The following FRYL variants were observed in gnomAD, a reference collection of about 807,000 sequenced individuals.
The protein encoded by FRYL is protein furry homolog-like.
FRYL carries 150 observed loss-of-function variants against 351.2 expected under a neutral mutation model. The ratio of observed to expected loss-of-function variants is 0.43; its 90% CI spans 0.37 to 0.49. The LOEUF (loss-of-function observed/expected upper bound fraction) is 0.49, where lower values mean the gene tolerates loss of function less well. Among genes scored for constraint, FRYL ranks in the 20% least tolerant of loss-of-function variants. The probability of loss-of-function intolerance (pLI) is 0.00; values close to 1 mark genes in which losing one functional copy is unlikely to be tolerated. For missense variants in FRYL, 3,036 were observed against 3,619.3 expected (o/e 0.84, Z 4.13); for synonymous variants, 1,153 against 1,257.1 (o/e 0.92, Z 1.75).
At chr4:48,630,649 A>G (rs1386038614) in intron 4 of FRYL, among the ~76,000 whole-genome samples, 3 of 152,166 alleles carry the variant, frequency 2.0e-5, no homozygotes, top group Non-Finnish European at 4.4e-5. Context: ...CCCTTCTTGA[A>G]TCTTCCTTCT....
At position 48,613,692 on chromosome 4, in the gene FRYL, A is replaced by G. The variant is rs971060079; in HGVS notation, c.412-3869T>C. Among the ~76,000 whole-genome samples, 5 of 152,314 alleles carry G rather than the reference A, an allele frequency of 3.3e-5. No homozygotes were observed. The South Asian group carries it at 8.3e-4, about 25-fold the overall frequency. On this transcript the variant is annotated intron_variant, in intron 7 of 63. Coordinates refer to ENST00000358350, the MANE Select transcript of FRYL (RefSeq NM_015030.2). ...CATTTGAGGCTGGGCACAGTGGCTC[A>G]CGCCTGTAATCCCAGCACTCTGGGA...
At chr4:48,564,873 T>A in intron 30 of FRYL, 60 bp downstream of exon 30, 2 of 888,200 alleles carry the variant, frequency 2.3e-6, no homozygotes, top group Non-Finnish European at 3.6e-6. Context: ...CAACATACAT[T>A]AACTGCAAAT....
intron 35 of FRYL, among the ~76,000 whole-genome samples, chr4:48,556,618 A>C (rs1734178194): frequency 6.6e-6 from 1 of 152,196 alleles, no homozygotes. Flanking sequence ...CCTTCCAGAC[A>C]GCTGTGGTTC....
chr4:48,701,635 A>T (rs555517968), intron 2 of FRYL, among the ~76,000 whole-genome samples: 1 of 152,362 alleles, frequency 6.6e-6, no homozygotes, highest in South Asian at 2.1e-4. Context: ...ATCTATTAAC[A>T]AAATCAAGTA....
At position 48,498,088 on chromosome 4, in the gene FRYL, TTTC is replaced by T. The variant is rs932120617; in HGVS notation, c.*1331_*1333del. On this transcript the variant is annotated 3_prime_UTR_variant, in exon 64 of 64. Coordinates refer to ENST00000358350, the MANE Select transcript of FRYL (RefSeq NM_015030.2). ...ACTACATTCTTTTTTTTTTTTTTTC[TTTC>T]TTTTCTTACAAAATGCGATTTTAGA... The T allele has an allele frequency of 6.6e-6, 1 of 150,928 alleles. No homozygotes were observed. The highest frequency in any genetic ancestry group is 2.4e-5 in the African/African-American group (1 of 41,046). The allele number at this position is 150,928 out of a possible 1,614,324, so 9.3% of individuals were successfully genotyped here. A position where few individuals can be genotyped will look rare whatever the true frequency, so the allele number is the denominator to read the frequency against.
At chr4:48,638,174 C>A (rs987721388) in intron 3 of FRYL, 1 of 152,022 alleles carries the variant, frequency 6.6e-6, no homozygotes, top group Non-Finnish European at 1.5e-5. Context: ...TACTACCTCA[C>A]AGCCACAAAC....
rs763091730 is a variant in FRYL, at chr4:48,547,690, A to G, written c.4968T>C (p.Asn1656=). ...CAGAAGCAACAGTTCGGATGTTACT[A>G]TTGGGTCCCATTACTATTAATAAGT... The part of the protein sequence containing the change: ...LLHLLIVMGP[N]SNIRTVASVL... The change falls in exon 41 of 64, where the codon AAT becomes AAC. Residue 1656 remains asparagine, a synonymous_variant. Coordinates refer to ENST00000358350, the MANE Select transcript of FRYL (RefSeq NM_015030.2). 6 of 1,605,078 alleles carry G rather than the reference A, an allele frequency of 3.7e-6. No homozygotes were observed. The African/African-American group carries it at 4.0e-5, about 11-fold the overall frequency.
chr4:48,523,350 G>A (rs1725302231), intron 53 of FRYL: 1 of 406,216 alleles, frequency 2.5e-6, no homozygotes, highest in Non-Finnish European at 4.5e-6. Context: ...TTTCTATCTT[G>A]TATTACTGGG....
At chr4:48,558,359 C>T (rs1469426823) in intron 33 of FRYL, among the ~76,000 whole-genome samples, 1 of 152,160 alleles carries the variant, frequency 6.6e-6, no homozygotes, top group Non-Finnish European at 1.5e-5. Flanking sequence ...ATGTATGATT[C>T]CACATATATG....
chr4:48,547,452 TA>T, intron 41 of FRYL, 131 bp downstream of exon 41: 1 of 482,508 alleles, frequency 2.1e-6, no homozygotes, highest in Non-Finnish European at 3.6e-6. Flanking sequence ...AAATGGTACT[TA>T]AAATAATACA....
rs773341258 is a variant in FRYL, at chr4:48,540,954, T to C, written c.5694A>G (p.Ser1898=). ...YDLLSALSQT[S]YHDPIMGNKY... ...TGTTTCCCATTATAGGATCATGATATGAGGTTCTTAAAAAAAAGAAAGAAT... is the reference window on the plus strand; with the variant it reads ...TGTTTCCCATTATAGGATCATGATACGAGGTTCTTAAAAAAAAGAAAGAAT... Residue 1898 remains serine (S), a synonymous_variant, in exon 46 of 64, where the codon TCA becomes TCG. Coordinates refer to ENST00000358350, the MANE Select transcript of FRYL (RefSeq NM_015030.2). The C allele has an allele frequency of 7.7e-6, 12 of 1,554,974 alleles. No homozygotes were observed. The South Asian group carries it at 1.4e-4, about 19-fold the overall frequency.
chr4:48,574,746 G>A (rs1281151790), intron 25 of FRYL, among the ~76,000 whole-genome samples: 1 of 152,088 alleles, frequency 6.6e-6, no homozygotes, highest in African/African-American at 2.4e-5. Context: ...AATTCTCTTG[G>A]ATAAGAAGGG....
intron 2 of FRYL, among the ~76,000 whole-genome samples, chr4:48,687,353 A>G (rs1765238120): frequency 6.6e-6 from 1 of 152,124 alleles, no homozygotes; most frequent in African/African-American, 2.4e-5. Flanking sequence ...GAAGACTGTG[A>G]ACAGCCCAAC....
intron 53 of FRYL, among the ~76,000 whole-genome samples, chr4:48,525,795 G>A (rs1188806306): frequency 5.9e-5 from 9 of 151,740 alleles, no homozygotes; most frequent in Admixed American, 1.3e-4. Flanking sequence ...GTATACGAGA[G>A]CTGATGAATG....
At chr4:48,741,752 C>T (rs867337666) in intron 1 of FRYL, among the ~76,000 whole-genome samples, 4 of 151,964 alleles carry the variant, frequency 2.6e-5, no homozygotes, top group African/African-American at 9.7e-5. Flanking sequence ...AACTTAAGTG[C>T]ATATTACTAA....
chr4:48,608,227 TA>T (rs1312631111), intron 9 of FRYL, among the ~76,000 whole-genome samples: 1 of 152,158 alleles, frequency 6.6e-6, no homozygotes, highest in African/African-American at 2.4e-5. Flanking sequence ...CACTTAATAT[TA>T]AAATGCAAAC....
At chr4:48,693,020 T>C (rs1765813482) in intron 2 of FRYL, among the ~76,000 whole-genome samples, 1 of 152,234 alleles carries the variant, frequency 6.6e-6, no homozygotes, top group African/African-American at 2.4e-5. Context: ...TGAAATACAC[T>C]TGGCTTTACT....
At chr4:48,512,873 G>A (rs1474346371) in intron 56 of FRYL, among the ~76,000 whole-genome samples, 185 bp from the exon 57 acceptor site, 1 of 152,096 alleles carries the variant, frequency 6.6e-6, no homozygotes, top group African/African-American at 2.4e-5. Context: ...GTTCTTTCTA[G>A]TTAGCATTTT....
At chr4:48,501,994 CAATT>C (rs1294601588) in intron 61 of FRYL, among the ~76,000 whole-genome samples, 1 of 152,056 alleles carries the variant, frequency 6.6e-6, no homozygotes, top group African/African-American at 2.4e-5. Flanking sequence ...TTTCAGCAGG[CAATT>C]AATAGGATAC....
Sources: allele counts gnomAD v4.1 joint callset (sites outside exome capture counted in the v4.1 genomes callset), GRCh38; gene constraint gnomAD v4.1.1; transcripts MANE v1.5; gene names NCBI Gene and HGNC (gene_info 2026-07-23, HGNC 2026-07-21).